Variants in MYH10 observed in about 807,000 individuals in gnomAD.
MYH10 encodes myosin-10.
In MYH10, 55 loss-of-function variants were observed where a neutral mutation model predicts 257.8. The observed-to-expected ratio is 0.21, with a 90% CI of 0.17 to 0.27. The LOEUF is 0.27. MYH10 is among the 10% of genes least tolerant of loss of function. The pLI is 1.00. For synonymous variants in MYH10, 854 were observed against 921.7 expected (o/e 0.93, Z 1.33); for missense variants, 1,631 against 2,500.6 (o/e 0.65, Z 7.42).
Position 8,545,785 on chromosome 17 carries a change from A to G in MYH10, c.1279-185T>C, listed in dbSNP as rs1461140168. Among the ~76,000 whole-genome samples the G allele has an allele frequency of 6.6e-6, 1 of 152,216 alleles. No individual in the cohort carries two copies. Among genetic ancestry groups the G allele is most frequent in the East Asian group, 1.9e-4 (1 of 5,198 alleles). On this transcript the variant is annotated intron_variant, in intron 12 of 42. Coordinates refer to ENST00000360416, the MANE Select transcript of MYH10 (RefSeq NM_001256012.3). This position sits in a 1 kb window ranked among gnomAD's most constrained non-coding sequence, Gnocchi z 4.7. ...TAGAAGAATTAAATGAACACAGGGA[A>G]TAACGAATTTGGGGGATGGGTAAAG... is the stretch of plus-strand genomic sequence containing the variant.
rs752329586 is a variant in MYH10 at position 8,548,787 on chromosome 17, G to A, written c.920C>T (p.Ser307Phe). Residue 307 changes from serine to phenylalanine, a missense_variant and splice_region_variant, in exon 10 of 43, where the codon TCT becomes TTT. Physicochemically the swap from Ser to Phe is radical, Grantham distance 155 (BLOSUM62 -2). This residue lies in a region of MYH10 where 360 missense variants were observed against 581.9 expected (regional missense o/e 0.62). Coordinates refer to ENST00000360416, the MANE Select transcript of MYH10 (RefSeq NM_001256012.3). Reference sequence around the variant, plus strand: ...ATTAAATCCTTCAAGAAGCAAATCAGCTAAAAGGAAATATAATGGAAGAAA... The same window carrying A: ...ATTAAATCCTTCAAGAAGCAAATCAACTAAAAGGAAATATAATGGAAGAAA... ...LLSGAGEHLK[S>F]DLLLEGFNNY... is the part of the protein sequence containing the mutation. 3 of 1,608,488 alleles carry A rather than the reference G, an allele frequency of 1.9e-6. No homozygotes were observed. In the South Asian group the frequency reaches 3.3e-5, roughly 18 times the overall value.
intron 4 of MYH10, among the ~76,000 whole-genome samples, chr17:8,577,845 C>A (rs2083556198): frequency 6.6e-6 from 1 of 152,134 alleles, no homozygotes; most frequent in Non-Finnish European, 1.5e-5. Context: ...CCAAATATTT[C>A]TTGATAGATG....
intron 3 of MYH10, among the ~76,000 whole-genome samples, chr17:8,599,996 T>C (rs1369199868): frequency 6.6e-6 from 1 of 152,130 alleles, no homozygotes; most frequent in Non-Finnish European, 1.5e-5. Flanking sequence ...ATCTGGAGCC[T>C]GCAGAGGTTT....
rs567339092 is a variant in MYH10, at chr17:8,520,266, G to A, written c.2273+612C>T. Among the ~76,000 whole-genome samples the A allele has an allele frequency of 3.9e-5, 6 of 152,214 alleles. No individual in the cohort carries two copies. The South Asian group carries it at 8.3e-4, about 21-fold the overall frequency. ...TGTAATCCCAGCACTTTGGGAGGCC[G>A]AGGCGGGATCACGAGGTCAGGAGAT... On this transcript the variant is annotated intron_variant, in intron 19 of 42. Transcript: ENST00000360416.
chr17:8,512,364 A>G (rs2081327572), intron 24 of MYH10, 87 bp downstream of exon 24: 2 of 1,107,578 alleles, frequency 1.8e-6, no homozygotes, highest in Admixed American at 5.3e-5. Context: ...CTGTGGACTT[A>G]AGAATCCAAA....
chr17:8,484,053 A>G, intron 37 of MYH10, 85 bp downstream of exon 37: 1 of 1,318,768 alleles, frequency 7.6e-7, no homozygotes, highest in Non-Finnish European at 1.0e-6. Context: ...ACAGTGGGCT[A>G]CAAATATATT....
intron 2 of MYH10, among the ~76,000 whole-genome samples, chr17:8,605,768 CAAAA>C (rs1484113393): frequency 6.6e-6 from 1 of 151,852 alleles, no homozygotes; most frequent in African/African-American, 2.4e-5. Context: ...AACAAACAAA[CAAAA>C]GAAAAACCAC....
chr17:8,625,779 C>A (rs2085652921), intron 1 of MYH10, among the ~76,000 whole-genome samples: 1 of 152,232 alleles, frequency 6.6e-6, no homozygotes, highest in Non-Finnish European at 1.5e-5. Flanking sequence ...CCGCGTCCAG[C>A]CTGAGCCTCA....
chr17:8,499,311 T>A lies in MYH10; in HGVS notation c.3910A>T (p.Arg1304Trp). The stretch of plus-strand genomic sequence containing the variant: ...TTCTCCGCCAGCTCCACCCTGAGCC[T>A]GTCGCCTTCAGAGACCTTGGCATGG... ...ELHAKVSEGD[R>W]LRVELAEKAS... Residue 1304 changes from arginine to tryptophan, a missense_variant, in exon 30 of 43, where the codon AGG becomes TGG. This residue lies in a region of MYH10 where 463 missense variants were observed against 621.8 expected (regional missense o/e 0.74). Transcript: ENST00000360416. 1 of 1,614,144 alleles carries A rather than the reference T, an allele frequency of 6.2e-7. No individual in the cohort carries two copies. Among genetic ancestry groups the A allele is most frequent in the Non-Finnish European group, 8.5e-7 (1 of 1,180,032 alleles).
rs2083253531 is a variant in MYH10 at position 8,569,104 on chromosome 17, C to G, written c.756+616G>C. ...TGGTGAAGTAACGTGAGCCTGTAGT[C>G]CCGGCTCCTTGGGAGACTGAGGAAG... On this transcript the variant is annotated intron_variant, in intron 7 of 42. Coordinates refer to ENST00000360416, the MANE Select transcript of MYH10 (RefSeq NM_001256012.3). The surrounding 1 kb of genome is among the most constrained non-coding windows in gnomAD (Gnocchi z 4.1). Among the ~76,000 whole-genome samples, 1 of 151,810 alleles carries G rather than the reference C, an allele frequency of 6.6e-6. No individual in the cohort carries two copies. Among genetic ancestry groups the G allele is most frequent in the African/African-American group, 2.4e-5 (1 of 41,332 alleles).
intron 35 of MYH10, among the ~76,000 whole-genome samples, chr17:8,487,865 G>A (rs190728226): frequency 6.6e-6 from 1 of 152,104 alleles, no homozygotes. Context: ...ACCTGAGCTC[G>A]GTGTAGATGA....
chr17:8,541,128 C>T (rs1360532967), intron 14 of MYH10, among the ~76,000 whole-genome samples: 1 of 152,186 alleles, frequency 6.6e-6, no homozygotes, highest in African/African-American at 2.4e-5. Flanking sequence ...TTCCTCTTCC[C>T]GATGTGCCAC....
intron 3 of MYH10, among the ~76,000 whole-genome samples, chr17:8,600,482 T>G (rs1380557199): frequency 2.6e-5 from 4 of 152,200 alleles, no homozygotes; most frequent in Non-Finnish European, 4.4e-5. Context: ...AAAAGTCAGT[T>G]AATTCTAAAA....
chr17:8,493,236 G>A (rs538636272), intron 32 of MYH10, among the ~76,000 whole-genome samples: 129 of 152,084 alleles, frequency 8.5e-4, no homozygotes, highest in Middle Eastern at 3.4e-3. Flanking sequence ...CTCGGCTACT[G>A]GGGAGGCTCA....
intron 28 of MYH10, among the ~76,000 whole-genome samples, chr17:8,503,368 CCT>C (rs1384185239): frequency 6.6e-6 from 1 of 152,026 alleles, no homozygotes; most frequent in Non-Finnish European, 1.5e-5. Context: ...TGGGGTTTTT[CCT>C]CTCTCTGGGT....
intron 6 of MYH10, among the ~76,000 whole-genome samples, chr17:8,572,948 A>T (rs1160549240): frequency 6.6e-6 from 1 of 152,252 alleles, no homozygotes; most frequent in East Asian, 1.9e-4. Flanking sequence ...CAAATTATGA[A>T]GGCATTTGTA....
At chr17:8,548,165 C>A (rs1567881532) in intron 11 of MYH10, 148 bp downstream of exon 11, 1 of 579,384 alleles carries the variant, frequency 1.7e-6, no homozygotes, top group South Asian at 2.3e-5. Flanking sequence ...ATCAGAGGAA[C>A]CCTCGTGTAA....
In MYH10 at chr17:8,555,850, G is replaced by C. The variant is rs997282988; in HGVS notation, c.757-1832C>G. On this transcript the variant is annotated intron_variant, in intron 7 of 42. Transcript: ENST00000360416. The stretch of plus-strand genomic sequence containing the variant: ...AAAGATACCACAAAGAAAATGAAGA[G>C]AAGCCACAAACTGGGAGATAATATT... Among the ~76,000 whole-genome samples the C allele has an allele frequency of 1.6e-4, 25 of 151,926 alleles. 1 individual carries two copies. Among genetic ancestry groups the C allele is most frequent in the Non-Finnish European group, 4.4e-5 (3 of 68,010 alleles).
intron 7 of MYH10, among the ~76,000 whole-genome samples, chr17:8,562,015 T>G (rs1365582653): frequency 2.0e-5 from 3 of 152,214 alleles, no homozygotes; most frequent in African/African-American, 7.2e-5. Context: ...AAATCTCAGT[T>G]ATAAGCCAAA....
Sources: gnomAD v4.1 joint callset for allele counts (sites outside exome capture counted in the v4.1 genomes callset) on GRCh38, gnomAD v4.1.1 for gene constraint, gnomAD v4.1.1 regional missense constraint, Gnocchi (gnomAD v3.1) non-coding constraint, MANE v1.5 for transcripts, NCBI Gene and HGNC (gene_info 2026-07-23, HGNC 2026-07-21) for gene names.